The following KCNH2 variants were observed in gnomAD, a reference collection of about 807,000 sequenced individuals.
KCNH2 encodes the protein potassium voltage-gated channel subfamily H member 2.
KCNH2 carries 35 observed loss-of-function variants against 95.9 expected under a neutral mutation model. That is an observed-to-expected ratio of 0.37 (90% CI 0.28 to 0.48). KCNH2 has a LOEUF of 0.48. Ranked by LOEUF, KCNH2 falls within the 20% of genes least tolerant of loss-of-function variation. KCNH2 has a pLI of 0.99. For synonymous variants in KCNH2, 786 were observed against 754.7 expected (o/e 1.04, Z -0.68); for missense variants, 1,274 against 1,702.9 (o/e 0.75, Z 4.43).
At position 150,962,531 on chromosome 7, in the gene KCNH2, C is replaced by T. The variant is rs1010324601; in HGVS notation, c.308-2795G>A. On this transcript the variant is annotated intron_variant, in intron 2 of 14. Coordinates refer to ENST00000262186, the MANE Select transcript of KCNH2 (RefSeq NM_000238.4). This position sits in a 1 kb window ranked among gnomAD's most constrained non-coding sequence, Gnocchi z 5.7. ...GAAGCCCACCCAGTCCAGGACCCCA[C>T]ATCTCAAAATCCCCTGCCAGGGTCG... Among the ~76,000 whole-genome samples, 1 of 152,084 alleles carries T rather than the reference C, an allele frequency of 6.6e-6. No individual in the cohort carries two copies. The highest frequency in any genetic ancestry group is 6.5e-5 in the Admixed American group (1 of 15,278).
Position 150,950,187 on chromosome 7 carries a change from GTCGCCCCGCAGGATCTCGA to G in KCNH2, c.2360_2378del (p.Ile787ThrfsTer17). 1 of 1,609,058 alleles carries G rather than the reference GTCGCCCCGCAGGATCTCGA, an allele frequency of 6.2e-7. No individual in the cohort carries two copies. Among genetic ancestry groups the G allele is most frequent in the Non-Finnish European group, 8.5e-7 (1 of 1,178,546 alleles). ...CCATACCCAGGATGGCCACGACGACGTCGCCCCGCAGGATCTCGATGGAGCCCCGGGAGATGAAGTACAG... is the reference window on the plus strand; with the variant it reads ...CCATACCCAGGATGGCCACGACGACGTGGAGCCCCGGGAGATGAAGTACAG... On this transcript the variant is annotated frameshift_variant, in exon 9 of 15. Transcript: ENST00000262186. LOFTEE classifies it high-confidence loss of function.
intron 5 of KCNH2, chr7:150,955,563 C>A: frequency 6.7e-7 from 1 of 1,495,916 alleles, no homozygotes; most frequent in Non-Finnish European, 8.9e-7. Flanking sequence ...GCCACTGCCT[C>A]ACCTGCACCC....
intron 7 of KCNH2, 158 bp downstream of exon 7, chr7:150,951,290 G>A (rs576727639): frequency 3.6e-5 from 38 of 1,070,214 alleles, no homozygotes; most frequent in African/African-American, 3.0e-4. Flanking sequence ...AGTAGTCCCC[G>A]CCCTGGTGAC....
chr7:150,965,856 C>T (rs1041239547), intron 2 of KCNH2, among the ~76,000 whole-genome samples: 3 of 152,152 alleles, frequency 2.0e-5, no homozygotes, highest in African/African-American at 7.2e-5. Flanking sequence ...AGGCCATGTC[C>T]CCACCCTCTC....
chr7:150,977,819 AG>A lies in KCNH2; in HGVS notation c.76+18del. Reference sequence around the variant, plus strand: ...CGCCCCCAGAGCCCCCTCCCCGCTCAGCCCCCTCCCCCACTCACTCTGGCCC... The same window carrying A: ...CGCCCCCAGAGCCCCCTCCCCGCTCACCCCCTCCCCCACTCACTCTGGCCC... On this transcript the variant is annotated intron_variant, in intron 1 of 14. Transcript: ENST00000262186. 2.4e-6 allele frequency: 1 copy of A among 416,920 alleles called. No individual in the cohort carries two copies. Among genetic ancestry groups the A allele is most frequent in the Admixed American group, 5.0e-5 (1 of 20,128 alleles). The allele number at this position is 416,920 out of a possible 1,614,324, so 25.8% of individuals were successfully genotyped here. A position where few individuals can be genotyped will look rare whatever the true frequency, so the allele number is the denominator to read the frequency against.
intron 10 of KCNH2, 83 bp from the exon 11 acceptor site, chr7:150,948,626 GA>G: frequency 1.5e-6 from 2 of 1,329,224 alleles, no homozygotes; most frequent in Non-Finnish European, 1.1e-6. Context: ...CCTTAACACA[GA>G]AAAAGTAGGG....
Position 150,961,825 on chromosome 7 carries a change from G to A in KCNH2, c.308-2089C>T. Among the ~76,000 whole-genome samples, 1 of 152,188 alleles carries A rather than the reference G, an allele frequency of 6.6e-6. No homozygotes were observed. The highest frequency in any genetic ancestry group is 1.9e-4 in the East Asian group (1 of 5,182). On this transcript the variant is annotated intron_variant, in intron 2 of 14. Coordinates refer to ENST00000262186, the MANE Select transcript of KCNH2 (RefSeq NM_000238.4). This position sits in a 1 kb window ranked among gnomAD's most constrained non-coding sequence, Gnocchi z 6.2. ...GGGGAGGCAGGGAGCAGGCCAGGTG[G>A]GAAGGGCCTGATGCATGGCAGATGC... is the stretch of plus-strand genomic sequence containing the variant.
chr7:150,952,217 G>A lies in KCNH2; in HGVS notation c.1557+208C>T, dbSNP rs967914241. Among the ~76,000 whole-genome samples, 1 of 152,218 alleles carries A rather than the reference G, an allele frequency of 6.6e-6. No individual in the cohort carries two copies. Among genetic ancestry groups the A allele is most frequent in the Non-Finnish European group, 1.5e-5 (1 of 68,032 alleles). On this transcript the variant is annotated intron_variant, in intron 6 of 14. Coordinates refer to ENST00000262186, the MANE Select transcript of KCNH2 (RefSeq NM_000238.4). The surrounding 1 kb of genome is among the most constrained non-coding windows in gnomAD (Gnocchi z 7.3). ...GCCCTCTGCAACCTGCGAGGAGCTT[G>A]TGTGGAGAGAAGGAGCATAGGTTTG... is the stretch of plus-strand genomic sequence containing the variant.
chr7:150,952,295 A>C lies in KCNH2; in HGVS notation c.1557+130T>G. On this transcript the variant is annotated intron_variant, in intron 6 of 14. Transcript: ENST00000262186. This position sits in a 1 kb window ranked among gnomAD's most constrained non-coding sequence, Gnocchi z 7.3. The stretch of plus-strand genomic sequence containing the variant: ...TGCCTTGCCACCATGTCTCTCTCCC[A>C]CTGTCTTTCTCTCTTTCTCTCTCTC... The C allele has an allele frequency of 1.2e-6, 1 of 816,948 alleles. No individual in the cohort carries two copies. Among genetic ancestry groups the C allele is most frequent in the Non-Finnish European group, 1.8e-6 (1 of 566,652 alleles). 50.6% of individuals were successfully genotyped at this position (816,948 alleles called of 1,614,324 possible).
intron 9 of KCNH2, 100 bp downstream of exon 9, chr7:150,950,068 T>A (rs1376496506): frequency 1.2e-6 from 2 of 1,612,556 alleles, no homozygotes; most frequent in South Asian, 2.2e-5. Context: ...CTGCAGGCAG[T>A]CCCAGGTCCA....
At chr7:150,957,225 G>A in intron 5 of KCNH2, 66 bp downstream of exon 5, 3 of 1,358,156 alleles carry the variant, frequency 2.2e-6, no homozygotes, top group Non-Finnish European at 3.1e-6. Context: ...CTGGATCACA[G>A]CCCACTCCCA....
At position 150,958,246 on chromosome 7, in the gene KCNH2, G is replaced by A. The variant is rs863224337; in HGVS notation, c.729C>T (p.Ser243=). The change falls in exon 4 of 15, where the codon AGC becomes AGT. Residue 243 remains serine (S), a synonymous_variant. Transcript: ENST00000262186. ...GGGGCGATGGGAGCTGGCCGGGCGC[G>A]CTGCGGGGCGGAGAGCCGGGACCCA... The part of the protein sequence containing the change: ...ALVGPGSPPR[S]APGQLPSPRA... 15 of 1,406,832 alleles carry A rather than the reference G, an allele frequency of 1.1e-5. No homozygotes were observed. Among genetic ancestry groups the A allele is most frequent in the Non-Finnish European group, 1.4e-5 (15 of 1,083,654 alleles). 87.1% of individuals were successfully genotyped at this position (1,406,832 alleles called of 1,614,324 possible).
In KCNH2 at chr7:150,958,084, G is replaced by A; in HGVS notation, c.891C>T (p.Pro297=). ...DIEAMRAGVL[P]PPPRHASTGA... ...CGGTGCTGGCGTGGCGCGGTGGCGG[G>A]GGCAGCACCCCGGCGCGCATGGCCT... Residue 297 remains proline (P), a synonymous_variant, in exon 4 of 15, where the codon CCC becomes CCT. Coordinates refer to ENST00000262186, the MANE Select transcript of KCNH2 (RefSeq NM_000238.4). 2 of 1,280,708 alleles carry A rather than the reference G, an allele frequency of 1.6e-6. No individual in the cohort carries two copies. The highest frequency in any genetic ancestry group is 2.0e-6 in the Non-Finnish European group (2 of 1,018,010). The allele number at this position is 1,280,708 out of a possible 1,614,324, so 79.3% of individuals were successfully genotyped here. A position where few individuals can be genotyped will look rare whatever the true frequency, so the allele number is the denominator to read the frequency against.
At chr7:150,950,147 T>TGGGGGGGGGG in intron 9 of KCNH2, 21 bp downstream of exon 9, 21 of 842,926 alleles carry the variant, frequency 2.5e-5, no homozygotes, top group East Asian at 3.5e-5. Flanking sequence ...TCCAGTCCAG[T>TGGGGGGGGGG]GCCCGCCCCC....
chr7:150,951,012 C>T lies in KCNH2; in HGVS notation c.2054G>A (p.Arg685His), dbSNP rs758751607. Residue 685 changes from arginine to histidine, a missense_variant, in exon 8 of 15, where the codon CGC (arginine) becomes CAC (histidine). Physicochemically the swap from Arg to His is conservative, Grantham distance 29 (BLOSUM62 0). Coordinates refer to ENST00000262186, the MANE Select transcript of KCNH2 (RefSeq NM_000238.4). ...TQMLRVREFI[R>H]FHQIPNPLRQ... The stretch of plus-strand genomic sequence containing the variant: ...CAGGGGATTGGGGATCTGGTGGAAG[C>T]GGATGAACTCCCGCACCCGCAGCAT... The T allele has an allele frequency of 3.7e-6, 6 of 1,614,096 alleles. No homozygotes were observed. Among genetic ancestry groups the T allele is most frequent in the South Asian group, 1.1e-5 (1 of 91,092 alleles).
intron 2 of KCNH2, among the ~76,000 whole-genome samples, chr7:150,971,752 A>G (rs1801845220): frequency 6.6e-6 from 1 of 151,756 alleles, no homozygotes; most frequent in Non-Finnish European, 1.5e-5. Context: ...GGAGTGAGAG[A>G]GGAGCCGAGA....
rs1464909795 is a variant in KCNH2, at chr7:150,952,354, C to T, written c.1557+71G>A. 4.8e-6 allele frequency: 7 copies of T among 1,457,246 alleles called. No homozygotes were observed. The Admixed American group carries it at 7.5e-5, about 16-fold the overall frequency. 90.3% of individuals were successfully genotyped at this position (1,457,246 alleles called of 1,614,324 possible). On this transcript the variant is annotated intron_variant, in intron 6 of 14. Coordinates refer to ENST00000262186, the MANE Select transcript of KCNH2 (RefSeq NM_000238.4). The surrounding 1 kb of genome is among the most constrained non-coding windows in gnomAD (Gnocchi z 7.3). ...TCTCTGTCCTCCTCGCCACCCCCTC[C>T]ACCCCACTACCTCCCACCACATTCC...
At chr7:150,970,410 C>T (rs375516438) in intron 2 of KCNH2, among the ~76,000 whole-genome samples, 14 of 152,062 alleles carry the variant, frequency 9.2e-5, no homozygotes, top group East Asian at 7.7e-4. Flanking sequence ...AGACGCAACA[C>T]GGAGAAGCCG....
In KCNH2 at chr7:150,947,461, G is replaced by A. The variant is rs1224504959; in HGVS notation, c.3019C>T (p.Arg1007Cys). Reference protein sequence around the residue: ...IFSFWGDSRGRQYQELPRCPA... With the variant: ...IFSFWGDSRGCQYQELPRCPA... The stretch of plus-strand genomic sequence containing the variant: ...CATCGAGGGAGCTCCTGGTACTGGC[G>A]GCCCCGACTGTCCCCCCAGAAGCTG... The change falls in exon 13 of 15, where the codon CGC becomes TGC. Residue 1007 changes from arginine (R) to cysteine (C), a missense_variant. Physicochemically the swap from Arg to Cys is radical, Grantham distance 180 (BLOSUM62 -3). This residue lies in a region of KCNH2 where 457 missense variants were observed against 416.1 expected (regional missense o/e 1.10). Coordinates refer to ENST00000262186, the MANE Select transcript of KCNH2 (RefSeq NM_000238.4). 1.1e-5 allele frequency: 17 copies of A among 1,570,292 alleles called. No individual in the cohort carries two copies. In the Middle Eastern group the frequency reaches 5.0e-4, roughly 46 times the overall value.
Sources: gnomAD v4.1 joint callset for allele counts (sites outside exome capture counted in the v4.1 genomes callset) on GRCh38, gnomAD v4.1.1 for gene constraint, gnomAD v4.1.1 regional missense constraint, Gnocchi (gnomAD v3.1) non-coding constraint, MANE v1.5 for transcripts, NCBI Gene and HGNC (gene_info 2026-07-23, HGNC 2026-07-21) for gene names.